The following SNTG1 variants were observed in gnomAD, a reference collection of about 807,000 sequenced individuals.
The protein encoded by SNTG1 is gamma-1-syntrophin.
In SNTG1, 39 loss-of-function variants were observed where a neutral mutation model predicts 74.7. That is an observed-to-expected ratio of 0.52 (90% confidence interval 0.40 to 0.68). The LOEUF (loss-of-function observed/expected upper bound fraction) is 0.68. Ranked by LOEUF, SNTG1 falls within the 30% of genes least tolerant of loss-of-function variation. The pLI is 0.00. For synonymous variants in SNTG1, 254 were observed against 217.1 expected (o/e 1.17, Z -1.49); for missense variants, 685 against 609.5 (o/e 1.12, Z -1.30).
At chr8:50,113,919 T>C (rs1384007738) in intron 1 of SNTG1, among the ~76,000 whole-genome samples, 1 of 134,516 alleles carries the variant, frequency 7.4e-6, no homozygotes, top group Admixed American at 7.2e-5. Context: ...AATAAAAATA[T>C]ACAAATAAAT....
At chr8:50,041,642 G>A (rs1419133489) in intron 1 of SNTG1, among the ~76,000 whole-genome samples, 1 of 152,080 alleles carries the variant, frequency 6.6e-6, no homozygotes, top group East Asian at 1.9e-4. Flanking sequence ...AGGCATCACA[G>A]CTGCAGGAAA....
At chr8:50,465,595 C>T (rs964912203) in intron 8 of SNTG1, among the ~76,000 whole-genome samples, 3 of 152,138 alleles carry the variant, frequency 2.0e-5, no homozygotes, top group Non-Finnish European at 4.4e-5. Flanking sequence ...CCTCTAGGAT[C>T]CATTTGTTCC....
chr8:50,157,343 T>C (rs1031260248), intron 1 of SNTG1, among the ~76,000 whole-genome samples: 1 of 152,072 alleles, frequency 6.6e-6, no homozygotes, highest in African/African-American at 2.4e-5. Flanking sequence ...TACAAAGCTA[T>C]ATAGGTTTGC....
At chr8:50,092,517 C>T (rs1287305451) in intron 1 of SNTG1, among the ~76,000 whole-genome samples, 2 of 152,122 alleles carry the variant, frequency 1.3e-5, no homozygotes, top group East Asian at 1.9e-4. Context: ...TGGGATTTGG[C>T]GCACACCTGA....
At chr8:50,586,796 GT>G (rs2094651479) in intron 12 of SNTG1, among the ~76,000 whole-genome samples, 2 of 151,854 alleles carry the variant, frequency 1.3e-5, no homozygotes, top group African/African-American at 4.8e-5. Flanking sequence ...TCTGGGGGTT[GT>G]TTTGATGACA....
chr8:50,244,251 G>T (rs1035340793), intron 2 of SNTG1, among the ~76,000 whole-genome samples: 12 of 152,098 alleles, frequency 7.9e-5, no homozygotes, highest in African/African-American at 2.9e-4. Flanking sequence ...CCACTCCCGT[G>T]ACCCAAATAC....
chr8:50,467,157 G>A (rs2093615035), intron 8 of SNTG1, among the ~76,000 whole-genome samples: 1 of 151,758 alleles, frequency 6.6e-6, no homozygotes, highest in Non-Finnish European at 1.5e-5. Flanking sequence ...ACTTTTGTGG[G>A]TGTTAGGTTA....
At chr8:49,958,389 G>C (rs992140775) in intron 1 of SNTG1, among the ~76,000 whole-genome samples, 1 of 152,060 alleles carries the variant, frequency 6.6e-6, no homozygotes, top group East Asian at 1.9e-4. Context: ...TACAATTCCA[G>C]GAGTGAGTGG....
At chr8:50,544,284 AC>A (rs1272394320) in intron 11 of SNTG1, among the ~76,000 whole-genome samples, 4 of 151,760 alleles carry the variant, frequency 2.6e-5, no homozygotes, top group Non-Finnish European at 4.4e-5. Flanking sequence ...GAACTTTAAG[AC>A]CCCTTAATTC....
intron 2 of SNTG1, among the ~76,000 whole-genome samples, chr8:50,242,096 C>A (rs768100341): frequency 6.6e-6 from 1 of 151,196 alleles, no homozygotes; most frequent in Admixed American, 6.6e-5. Flanking sequence ...CGTATATATA[C>A]GTATACATAT....
chr8:50,471,227 T>A (rs1383818), intron 8 of SNTG1, among the ~76,000 whole-genome samples: 1 of 151,800 alleles, frequency 6.6e-6, no homozygotes, highest in East Asian at 1.9e-4. Flanking sequence ...CCAAGCAAGG[T>A]GTTTAAAAAT....
chr8:50,739,366 C>T (rs144253124), intron 17 of SNTG1, among the ~76,000 whole-genome samples: 426 of 152,128 alleles, frequency 2.8e-3, no homozygotes, highest in Admixed American at 4.2e-3. Flanking sequence ...CAATGAGACA[C>T]CATCTCACAC....
intron 2 of SNTG1, among the ~76,000 whole-genome samples, chr8:50,254,863 A>AC (rs1391965732): frequency 7.9e-6 from 1 of 125,796 alleles, no homozygotes; most frequent in African/African-American, 2.6e-5. Flanking sequence ...GAAAAAAAAA[A>AC]AAAAGAAAGA....
chr8:50,392,904 G>C (rs1462045457), intron 2 of SNTG1, among the ~76,000 whole-genome samples: 12 of 152,066 alleles, frequency 7.9e-5, no homozygotes, highest in Admixed American at 7.2e-4. Context: ...GTATCCTCAT[G>C]TCTATTTCTC....
At chr8:50,350,328 C>T (rs1462567778) in intron 2 of SNTG1, among the ~76,000 whole-genome samples, 1 of 152,192 alleles carries the variant, frequency 6.6e-6, no homozygotes, top group Non-Finnish European at 1.5e-5. Flanking sequence ...GACTGGCAGG[C>T]AGCTCCACCT....
At chr8:50,637,104 T>C (rs2095044122) in intron 13 of SNTG1, among the ~76,000 whole-genome samples, 1 of 152,224 alleles carries the variant, frequency 6.6e-6, no homozygotes, top group South Asian at 2.1e-4. Context: ...TGGTGAAATC[T>C]AATCACATGG....
intron 1 of SNTG1, among the ~76,000 whole-genome samples, chr8:50,002,315 A>G (rs1445735952): frequency 6.6e-6 from 1 of 152,046 alleles, no homozygotes; most frequent in African/African-American, 2.4e-5. Context: ...TCCTTAATCC[A>G]TGTTGTCTTC....
At chr8:50,779,140 G>A (rs1267562841) in intron 18 of SNTG1, among the ~76,000 whole-genome samples, 2 of 152,154 alleles carry the variant, frequency 1.3e-5, no homozygotes, top group Non-Finnish European at 2.9e-5. Context: ...GTAGTGTGAT[G>A]CCTCCAGCTC....
At chr8:50,778,257 A>T (rs1447241933) in intron 18 of SNTG1, among the ~76,000 whole-genome samples, 1 of 152,198 alleles carries the variant, frequency 6.6e-6, no homozygotes, top group Non-Finnish European at 1.5e-5. Context: ...TTCCAGTTCT[A>T]GATCCCTGAG....
Sources: gnomAD v4.1 joint callset for allele counts (sites outside exome capture counted in the v4.1 genomes callset) on GRCh38, gnomAD v4.1.1 for gene constraint, MANE v1.5 for transcripts, NCBI Gene and HGNC (gene_info 2026-07-23, HGNC 2026-07-21) for gene names.